The following PCDHA1 variants were observed in gnomAD, a reference collection of about 807,000 sequenced individuals.
The protein encoded by PCDHA1 is protocadherin alpha 1.
Under a neutral mutation model 61.3 loss-of-function variants are expected in PCDHA1, and 42 were observed. The ratio of observed to expected loss-of-function variants is 0.69; its 90% confidence interval spans 0.54 to 0.89. The LOEUF (loss-of-function observed/expected upper bound fraction) is 0.89. Among genes scored for constraint, PCDHA1 ranks in the 40% least tolerant of loss-of-function variants. The pLI, the probability that PCDHA1 is intolerant of heterozygous loss-of-function variation, is 0.00. For synonymous variants in PCDHA1, 610 were observed against 553.8 expected (o/e 1.10, Z -1.43); for missense variants, 1,256 against 1,235.3 (o/e 1.02, Z -0.25).
chr5:140,830,567 G>A (rs1771136580), intron 1 of PCDHA1: 1 of 951,116 alleles, frequency 1.1e-6, no homozygotes, highest in Non-Finnish European at 1.4e-6. Flanking sequence ...CTATATTTCT[G>A]TTTTTAATTT....
At chr5:140,816,223 T>C (rs1252026344) in intron 1 of PCDHA1, 8 of 152,244 alleles carry the variant, frequency 5.3e-5, no homozygotes, top group African/African-American at 1.9e-4. Context: ...CTACTCTGTC[T>C]GGATAATTTC....
In PCDHA1 at chr5:140,835,502, C is replaced by A. The variant is rs139807581; in HGVS notation, c.2394+46818C>A. The stretch of plus-strand genomic sequence containing the variant: ...CAGGTACCGTCATCACATTGATTAG[C>A]GTGTTTGACCGAGATTTTGGAGTCA... On this transcript the variant is annotated intron_variant, in intron 1 of 3. Transcript: ENST00000504120. 2.5e-6 allele frequency: 4 copies of A among 1,613,806 alleles called. No homozygotes were observed. The highest frequency in any genetic ancestry group is 1.7e-5 in the Admixed American group (1 of 59,986).
intron 1 of PCDHA1, among the ~76,000 whole-genome samples, chr5:140,899,542 G>A (rs2067394532): frequency 6.6e-6 from 1 of 152,156 alleles, no homozygotes; most frequent in Non-Finnish European, 1.5e-5. Flanking sequence ...ACTTGATCAT[G>A]GTGGATAAGC....
intron 1 of PCDHA1, chr5:140,871,488 C>T (rs370808040): frequency 3.4e-5 from 54 of 1,591,050 alleles, no homozygotes; most frequent in Non-Finnish European, 4.5e-5. Flanking sequence ...CAAATCACCC[C>T]GGACAGGTGA....
rs782453395 is a variant in PCDHA1 at position 140,875,890 on chromosome 5, G to T, written c.2394+87206G>T. 79 of 1,614,062 alleles carry T rather than the reference G, an allele frequency of 4.9e-5. No homozygotes were observed. Among genetic ancestry groups the T allele is most frequent in the Non-Finnish European group, 5.9e-5 (70 of 1,180,034 alleles). On this transcript the variant is annotated intron_variant, in intron 1 of 3. Coordinates refer to ENST00000504120, the MANE Select transcript of PCDHA1 (RefSeq NM_018900.4). ...GGTGTTCAGAGAAAGGGAACAAAAG[G>T]TACCTGTTTCTGAATCTGCGCCTCT...
chr5:140,959,085 G>A (rs1286885776), intron 1 of PCDHA1, among the ~76,000 whole-genome samples: 8 of 151,980 alleles, frequency 5.3e-5, no homozygotes, highest in African/African-American at 1.9e-4. Flanking sequence ...ATTATCCTTG[G>A]TTTCGGACAT....
chr5:140,786,270 G>T lies in PCDHA1; in HGVS notation c.-21G>T. On this transcript the variant is annotated 5_prime_UTR_variant, in exon 1 of 4. Coordinates refer to ENST00000504120, the MANE Select transcript of PCDHA1 (RefSeq NM_018900.4). Reference sequence around the variant, plus strand: ...ATTTTGAAGTAAGAGGAGAGCATAAGAAAGGTGTAGTCCTTTTGCAATGGT... The same window carrying T: ...ATTTTGAAGTAAGAGGAGAGCATAATAAAGGTGTAGTCCTTTTGCAATGGT... 4.5e-6 allele frequency: 7 copies of T among 1,564,872 alleles called. No homozygotes were observed. Among genetic ancestry groups the T allele is most frequent in the Non-Finnish European group, 6.0e-6 (7 of 1,158,354 alleles).
chr5:140,888,647 T>C (rs781796685), intron 1 of PCDHA1, among the ~76,000 whole-genome samples: 2 of 152,244 alleles, frequency 1.3e-5, no homozygotes, highest in African/African-American at 2.4e-5. Context: ...AATACTTTCC[T>C]GAGGACACCA....
intron 3 of PCDHA1, among the ~76,000 whole-genome samples, chr5:140,988,661 A>G (rs1411850477): frequency 6.6e-6 from 1 of 152,186 alleles, no homozygotes; most frequent in Non-Finnish European, 1.5e-5. Context: ...TTGTTTATGA[A>G]TAGACTCTAA....
At chr5:140,914,228 C>T (rs2076644066) in intron 1 of PCDHA1, among the ~76,000 whole-genome samples, 1 of 152,084 alleles carries the variant, frequency 6.6e-6, no homozygotes, top group Admixed American at 6.6e-5. Flanking sequence ...AGCTCTAATA[C>T]TATTTGCTTT....
intron 1 of PCDHA1, chr5:140,966,987 C>T (rs782372991): frequency 6.2e-7 from 1 of 1,604,132 alleles, no homozygotes; most frequent in South Asian, 1.1e-5. Context: ...CGCTTGGGGC[C>T]GGGTTGCTTG....
At chr5:140,925,505 C>T (rs528944783) in intron 1 of PCDHA1, among the ~76,000 whole-genome samples, 5 of 151,936 alleles carry the variant, frequency 3.3e-5, no homozygotes, top group African/African-American at 4.8e-5. Context: ...CCAATATCCA[C>T]GCAAAAGACC....
chr5:140,857,965 T>A (rs2045057486), intron 1 of PCDHA1: 1 of 1,597,084 alleles, frequency 6.3e-7, no homozygotes, highest in East Asian at 2.2e-5. Context: ...TGGATGAGAC[T>A]GACTCGCCAC....
intron 1 of PCDHA1, among the ~76,000 whole-genome samples, chr5:140,831,531 T>C (rs1485160506): frequency 6.6e-6 from 1 of 150,388 alleles, no homozygotes; most frequent in Non-Finnish European, 1.5e-5. Flanking sequence ...TTTTTTTTTT[T>C]TTTTTTTTTT....
rs145253621 is a variant in PCDHA1, at chr5:140,991,776, T to A, written c.2542+9213T>A. 4.1e-3 allele frequency among the ~76,000 whole-genome samples: 632 copies of A among 152,312 alleles called. 6 individuals carry two copies. Among genetic ancestry groups the A allele is most frequent in the South Asian group, 0.036 (174 of 4,822 alleles). ...CATGCTCTTCAAAATTCTTCTAGACTCTGCCCATTTCCCAATCTCAAGGCC... is the reference window on the plus strand; with the variant it reads ...CATGCTCTTCAAAATTCTTCTAGACACTGCCCATTTCCCAATCTCAAGGCC... On this transcript the variant is annotated intron_variant, in intron 3 of 3. Coordinates refer to ENST00000504120, the MANE Select transcript of PCDHA1 (RefSeq NM_018900.4).
At chr5:140,915,503 G>T (rs1420993234) in intron 1 of PCDHA1, among the ~76,000 whole-genome samples, 1 of 152,062 alleles carries the variant, frequency 6.6e-6, no homozygotes, top group Non-Finnish European at 1.5e-5. Flanking sequence ...TAATACTGTG[G>T]TTTTTGCAGA....
rs781924329 is a variant in PCDHA1, at chr5:140,856,796, A to T, written c.2394+68112A>T. 42 of 1,595,540 alleles carry T rather than the reference A, an allele frequency of 2.6e-5. 2 individuals carry two copies. The highest frequency in any genetic ancestry group is 1.8e-4 in the South Asian group (16 of 90,506). ...TGACAGACCGGTTTATGAAGTTAAG[A>T]TGTATGAAAATCAAGTGAACCAAAC... On this transcript the variant is annotated intron_variant, in intron 1 of 3. Transcript: ENST00000504120.
intron 1 of PCDHA1, chr5:140,803,236 C>G (rs1554122668): frequency 6.2e-7 from 1 of 1,613,802 alleles, no homozygotes; most frequent in East Asian, 2.2e-5. Flanking sequence ...AAGGCCTCGT[C>G]CCAGGCGTCC....
chr5:140,891,241 G>A (rs2153433469), intron 1 of PCDHA1, among the ~76,000 whole-genome samples: 1 of 152,200 alleles, frequency 6.6e-6, no homozygotes, highest in Middle Eastern at 3.4e-3. Flanking sequence ...TCTGGATTCA[G>A]TAGGATTTTT....
Sources: allele counts gnomAD v4.1 joint callset (sites outside exome capture counted in the v4.1 genomes callset), GRCh38; gene constraint gnomAD v4.1.1; transcripts MANE v1.5; gene names NCBI Gene and HGNC (gene_info 2026-07-23, HGNC 2026-07-21).